FRMD4A: variants seen among roughly 807,000 people sequenced by gnomAD.
FRMD4A encodes FERM domain containing 4A.
FRMD4A carries 29 observed loss-of-function variants against 129.1 expected under a neutral mutation model. The observed-to-expected ratio is 0.22, with a 90% CI of 0.17 to 0.31. The LOEUF is 0.31. Among genes scored for constraint, FRMD4A ranks in the 10% least tolerant of loss-of-function variants. The pLI, the probability that FRMD4A is intolerant of heterozygous loss-of-function variation, is 1.00. For synonymous variants in FRMD4A, 634 were observed against 571.6 expected (o/e 1.11, Z -1.56); for missense variants, 1,272 against 1,375.8 (o/e 0.92, Z 1.19).
At chr10:14,324,450 T>C (rs1843183615) in intron 2 of FRMD4A, among the ~76,000 whole-genome samples, 1 of 152,152 alleles carries the variant, frequency 6.6e-6, no homozygotes, top group South Asian at 2.1e-4. Flanking sequence ...TAAATATTAG[T>C]TTCGCCCTTA....
chr10:13,716,073 T>C (rs1199831555), intron 12 of FRMD4A, among the ~76,000 whole-genome samples: 1 of 152,080 alleles, frequency 6.6e-6, no homozygotes, highest in Non-Finnish European at 1.5e-5. Context: ...ACTCATATGG[T>C]GTCATGAGCA....
At chr10:14,276,183 C>T (rs1050308964) in intron 2 of FRMD4A, among the ~76,000 whole-genome samples, 10 of 152,206 alleles carry the variant, frequency 6.6e-5, no homozygotes, top group Non-Finnish European at 1.0e-4. Context: ...TATTAGTCAA[C>T]TTGCAAGGTC....
At chr10:13,659,866 C>CG (rs1270731992) in intron 20 of FRMD4A, among the ~76,000 whole-genome samples, 4 of 58,934 alleles carry the variant, frequency 6.8e-5, no homozygotes, top group African/African-American at 1.2e-4. Context: ...GCCTTCCCCC[C>CG]CAAAAAAAAC....
At chr10:13,666,473 TC>T in intron 17 of FRMD4A, 148 bp from the exon 18 acceptor site, 1 of 623,582 alleles carries the variant, frequency 1.6e-6, no homozygotes, top group Non-Finnish European at 2.8e-6. Context: ...CCCACTGAAG[TC>T]CCCAGGCACA....
chr10:14,102,265 G>A (rs10082396), intron 2 of FRMD4A, among the ~76,000 whole-genome samples: 8,549 of 152,194 alleles, frequency 0.056, 747 homozygotes, highest in African/African-American at 0.19. Flanking sequence ...GGTGACTCAC[G>A]CCTGTAATCC....
intron 2 of FRMD4A, chr10:13,971,618 A>G (rs2095518725): frequency 1.3e-5 from 15 of 1,196,828 alleles, no homozygotes; most frequent in Non-Finnish European, 1.7e-5. Context: ...CCACTTTCCC[A>G]TGCTTCAAAG....
rs190650081 is a variant in FRMD4A at position 13,749,864 on chromosome 10, C to G, written c.465-2045G>C. Among the ~76,000 whole-genome samples the G allele has an allele frequency of 8.6e-5, 13 of 151,656 alleles. No homozygotes were observed. In the East Asian group the frequency reaches 2.5e-3, roughly 29 times the overall value. On this transcript the variant is annotated intron_variant, in intron 8 of 24. Coordinates refer to ENST00000357447, the MANE Select transcript of FRMD4A (RefSeq NM_018027.5). ...ATTAGCCATGCACAGTGATGCATGCCTGTAGTCCTAGTTACCCAGGATGAG... is the reference window on the plus strand; with the variant it reads ...ATTAGCCATGCACAGTGATGCATGCGTGTAGTCCTAGTTACCCAGGATGAG...
chr10:13,798,543 T>C (rs965801340), intron 4 of FRMD4A, among the ~76,000 whole-genome samples: 21 of 152,098 alleles, frequency 1.4e-4, no homozygotes, highest in Admixed American at 3.3e-4. Context: ...GGTGAAACCC[T>C]GTCTCTACTA....
At chr10:13,647,877 T>C (rs2081245104) in intron 24 of FRMD4A, 1 of 152,136 alleles carries the variant, frequency 6.6e-6, no homozygotes, top group Non-Finnish European at 1.5e-5. Context: ...CAGCCTCTCT[T>C]CAATGATCCT....
At chr10:14,288,819 T>C (rs1247767187) in intron 2 of FRMD4A, among the ~76,000 whole-genome samples, 2 of 152,146 alleles carry the variant, frequency 1.3e-5, no homozygotes, top group African/African-American at 4.8e-5. Flanking sequence ...CCTTCTACTC[T>C]CTGTTTCTAT....
At chr10:13,891,759 C>CCCCCGCCCCGT in intron 2 of FRMD4A, 1 of 982,312 alleles carries the variant, frequency 1.0e-6, no homozygotes, top group Non-Finnish European at 1.2e-6. Context: ...AGCTGGCGAG[C>CCCCCGCCCCGT]CCCCGCCCCG....
Position 14,225,637 on chromosome 10 carries a change from A to G in FRMD4A, c.45+104421T>C, listed in dbSNP as rs1421243613. ...ATCCCCTCCCGATTGTGAGGAACAC[A>G]TCAGGCTATTGCAGCCTGATCTCAT... On this transcript the variant is annotated intron_variant, in intron 2 of 24. Coordinates refer to ENST00000357447, the MANE Select transcript of FRMD4A (RefSeq NM_018027.5). Among the ~76,000 whole-genome samples the G allele has an allele frequency of 4.6e-5, 7 of 152,252 alleles. No homozygotes were observed. The East Asian group carries it at 5.8e-4, about 13-fold the overall frequency.
intron 3 of FRMD4A, among the ~76,000 whole-genome samples, chr10:13,811,412 C>T (rs576483606): frequency 4.0e-5 from 6 of 150,918 alleles, no homozygotes; most frequent in Admixed American, 2.6e-4. Flanking sequence ...TGATTACAGA[C>T]GTGCGCCATC....
intron 2 of FRMD4A, among the ~76,000 whole-genome samples, chr10:13,953,500 T>A (rs2095387915): frequency 6.6e-6 from 1 of 152,136 alleles, no homozygotes; most frequent in South Asian, 2.1e-4. Context: ...TGTGAAGATA[T>A]CTCACACCTT....
intron 4 of FRMD4A, among the ~76,000 whole-genome samples, chr10:13,805,154 T>C (rs2093338278): frequency 1.3e-5 from 2 of 152,124 alleles, no homozygotes; most frequent in African/African-American, 4.8e-5. Flanking sequence ...TCTTTTTTTT[T>C]TCTTTAAGAG....
At chr10:13,983,118 A>T (rs1177430535) in intron 2 of FRMD4A, among the ~76,000 whole-genome samples, 1 of 152,064 alleles carries the variant, frequency 6.6e-6, no homozygotes, top group African/African-American at 2.4e-5. Context: ...GTGCCACTAC[A>T]CCAGGCTAAT....
chr10:13,692,573 A>G (rs181364604), intron 15 of FRMD4A: 1 of 152,248 alleles, frequency 6.6e-6, no homozygotes, highest in Non-Finnish European at 1.5e-5. Context: ...AGGGGCCTTC[A>G]ACTTAACGCT....
At chr10:14,037,659 T>TA (rs5783380) in intron 2 of FRMD4A, among the ~76,000 whole-genome samples, 2 of 151,834 alleles carry the variant, frequency 1.3e-5, no homozygotes, top group African/African-American at 4.9e-5. Context: ...CATGTGTATT[T>TA]AAAAAAAAAA....
intron 5 of FRMD4A, among the ~76,000 whole-genome samples, chr10:13,789,558 CCACACACA>C (rs3220780): frequency 6.9e-6 from 1 of 144,696 alleles, no homozygotes. Context: ...TATGAAAAGA[CCACACACA>C]CACACACACA....
Sources: allele counts gnomAD v4.1 joint callset (sites outside exome capture counted in the v4.1 genomes callset), GRCh38; gene constraint gnomAD v4.1.1; transcripts MANE v1.5; gene names NCBI Gene and HGNC (gene_info 2026-07-23, HGNC 2026-07-21).